The following EIF2AK2 variants were observed in gnomAD, a reference collection of about 807,000 sequenced individuals.
The protein encoded by EIF2AK2 is interferon-induced, double-stranded RNA-activated protein kinase.
In EIF2AK2, 40 loss-of-function variants were observed where a neutral mutation model predicts 70.5. That is an observed-to-expected ratio of 0.57 (90% CI 0.44 to 0.74). EIF2AK2 has a LOEUF of 0.74. EIF2AK2 is among the 30% of genes least tolerant of loss of function. EIF2AK2 has a pLI of 0.00. For missense variants in EIF2AK2, 555 were observed against 644.3 expected, an observed-to-expected ratio of 0.86 and a Z score of 1.50; for synonymous variants, 198 against 220.9, an observed-to-expected ratio of 0.90 and a Z score of 0.92.
At chr2:37,154,443 T>G (rs1229995036) in intron 1 of EIF2AK2, among the ~76,000 whole-genome samples, 1 of 152,216 alleles carries the variant, frequency 6.6e-6, no homozygotes. Context: ...TATCACTAAA[T>G]CCAGTAGTCA....
At position 37,105,880 on chromosome 2, in the gene EIF2AK2, C is replaced by T. The variant is rs1327569942; in HGVS notation, c.*1393G>A. On this transcript the variant is annotated 3_prime_UTR_variant, in exon 17 of 17. Coordinates refer to ENST00000233057, the MANE Select transcript of EIF2AK2 (RefSeq NM_001135651.3). ...GGCCCACTGGGCTGTCACTTCTAGC[C>T]CTGTGCTCAGCAGAAAGCCATCTTA... 3.9e-5 allele frequency: 6 copies of T among 152,194 alleles called. No homozygotes were observed. Among genetic ancestry groups the T allele is most frequent in the African/African-American group, 1.4e-4 (6 of 41,442 alleles). The allele number at this position is 152,194 out of a possible 1,614,324, so 9.4% of individuals were successfully genotyped here. A position where few individuals can be genotyped will look rare whatever the true frequency, so the allele number is the denominator to read the frequency against.
intron 14 of EIF2AK2, among the ~76,000 whole-genome samples, chr2:37,113,498 C>CAAAAAAAAAAAAAA (rs61174879): frequency 3.0e-5 from 1 of 33,056 alleles, no homozygotes; most frequent in Non-Finnish European, 5.4e-5. Context: ...AACTCCATCT[C>CAAAAAAAAAAAAAA]AAAAAAAAAA....
chr2:37,126,272 A>G lies in EIF2AK2; in HGVS notation c.908+17T>C, dbSNP rs1435222223. 6.4e-7 allele frequency: 1 copy of G among 1,561,510 alleles called. No homozygotes were observed. Among genetic ancestry groups the G allele is most frequent in the Non-Finnish European group, 8.7e-7 (1 of 1,153,956 alleles). ...CGTACCTTGCCATTCAAAAAAATGT[A>G]AACATTTACTACTTACTCGTTATTA... is the stretch of plus-strand genomic sequence containing the variant. On this transcript the variant is annotated intron_variant, in intron 11 of 16. Transcript: ENST00000233057.
chr2:37,155,399 C>A (rs1164617345), intron 1 of EIF2AK2, among the ~76,000 whole-genome samples: 1 of 152,108 alleles, frequency 6.6e-6, no homozygotes, highest in South Asian at 2.1e-4. Context: ...CTCCAGATAC[C>A]CCATCCAGGA....
At position 37,133,406 on chromosome 2, in the gene EIF2AK2, T is replaced by C. The variant is rs139844654; in HGVS notation, c.785+2078A>G. 1.1e-3 allele frequency among the ~76,000 whole-genome samples: 175 copies of C among 152,254 alleles called. 3 individuals carry two copies. In the East Asian group the frequency reaches 0.031, roughly 27 times the overall value. On this transcript the variant is annotated intron_variant, in intron 10 of 16. Transcript: ENST00000233057. ...TTCATTTGGGAATATGCTGACAAAA[T>C]ACAACTCCTTTAATCCCTTCCTACA...
At chr2:37,109,147 TAGTC>T in intron 15 of EIF2AK2, 43 bp downstream of exon 15, 1 of 1,560,212 alleles carries the variant, frequency 6.4e-7, no homozygotes, top group South Asian at 1.1e-5. Flanking sequence ...CTGAAGGTGG[TAGTC>T]AGTAATTTTT....
At chr2:37,121,262 C>CAAAAAAAAAAAAAAA (rs70949733) in intron 12 of EIF2AK2, among the ~76,000 whole-genome samples, 1 of 72,728 alleles carries the variant, frequency 1.4e-5, no homozygotes, top group Non-Finnish European at 2.3e-5. Flanking sequence ...GACACCGTCT[C>CAAAAAAAAAAAAAAA]AAAAAAAAAA....
At position 37,105,953 on chromosome 2, in the gene EIF2AK2, C is replaced by A. The variant is rs1009930127; in HGVS notation, c.*1320G>T. 6.6e-6 allele frequency: 1 copy of A among 152,172 alleles called. No individual in the cohort carries two copies. Among genetic ancestry groups the A allele is most frequent in the Non-Finnish European group, 1.5e-5 (1 of 68,042 alleles). The allele number at this position is 152,172 out of a possible 1,614,324, so 9.4% of individuals were successfully genotyped here. A position where few individuals can be genotyped will look rare whatever the true frequency, so the allele number is the denominator to read the frequency against. ...TGTTTTTAGCTACTGCCTTACAGCA[C>A]GGTTGTCTTTAAAGTGGTTGTTACA... is the stretch of plus-strand genomic sequence containing the variant. On this transcript the variant is annotated 3_prime_UTR_variant, in exon 17 of 17. Transcript: ENST00000233057.
At chr2:37,125,820 C>T (rs1674709667) in intron 11 of EIF2AK2, among the ~76,000 whole-genome samples, 1 of 152,194 alleles carries the variant, frequency 6.6e-6, no homozygotes, top group African/African-American at 2.4e-5. Context: ...GTGCCTTATA[C>T]AATAACAGAC....
intron 12 of EIF2AK2, among the ~76,000 whole-genome samples, chr2:37,120,514 A>T (rs1479582635): frequency 1.5e-5 from 2 of 131,048 alleles, no homozygotes; most frequent in South Asian, 5.6e-4. Flanking sequence ...CTCACAAAAA[A>T]AAAAAAAAAA....
intron 2 of EIF2AK2, 31 bp from the exon 3 acceptor site, chr2:37,147,853 T>C: frequency 6.9e-7 from 1 of 1,444,046 alleles, no homozygotes; most frequent in Non-Finnish European, 9.7e-7. Flanking sequence ...GAATGAGTGA[T>C]GCTCACAGAA....
At chr2:37,155,633 C>A (rs1417206742) in intron 1 of EIF2AK2, among the ~76,000 whole-genome samples, 1 of 152,192 alleles carries the variant, frequency 6.6e-6, no homozygotes, top group Non-Finnish European at 1.5e-5. Flanking sequence ...CTTATTCACT[C>A]ATCTGGAAGA....
chr2:37,128,174 T>A (rs1220218180), intron 10 of EIF2AK2, among the ~76,000 whole-genome samples: 1 of 152,198 alleles, frequency 6.6e-6, no homozygotes, highest in Non-Finnish European at 1.5e-5. Context: ...CTTAATAAAC[T>A]TTTGATTCCG....
Position 37,138,365 on chromosome 2 carries a change from T to A in EIF2AK2, c.594-2A>T. ...CCTTCAGATGATGATTCAGAAGCGC[T>A]AGAAGAAAAGGGTGTAACTATTAGT... On this transcript the variant is annotated splice_acceptor_variant, in intron 7 of 16. Coordinates refer to ENST00000233057, the MANE Select transcript of EIF2AK2 (RefSeq NM_001135651.3). LOFTEE classifies it high-confidence loss of function. The A allele has an allele frequency of 6.2e-7, 1 of 1,612,908 alleles. No individual in the cohort carries two copies. The highest frequency in any genetic ancestry group is 8.5e-7 in the Non-Finnish European group (1 of 1,179,378).
At chr2:37,146,771 G>A in intron 4 of EIF2AK2, 82 bp downstream of exon 4, 1 of 1,538,488 alleles carries the variant, frequency 6.5e-7, no homozygotes, top group Non-Finnish European at 8.8e-7. Context: ...GCTTTACTCT[G>A]TATGAAAGTA....
chr2:37,140,609 C>CCG (rs374102587), intron 5 of EIF2AK2, among the ~76,000 whole-genome samples: 1 of 151,210 alleles, frequency 6.6e-6, no homozygotes, highest in Non-Finnish European at 1.5e-5. Context: ...TGCCCCCCCC[C>CCG]GCAAACAGAT....
At chr2:37,139,835 A>C in intron 5 of EIF2AK2, 78 bp from the exon 6 acceptor site, 2 of 1,398,868 alleles carry the variant, frequency 1.4e-6, no homozygotes, top group South Asian at 1.3e-5. Flanking sequence ...AAAAAATAAC[A>C]TATTAACAGA....
At chr2:37,119,919 T>TTA (rs4648217) in intron 13 of EIF2AK2, 40 bp downstream of exon 13, 18,077 of 1,101,126 alleles carry the variant, frequency 0.016, 140 homozygotes, top group Middle Eastern at 0.028. Context: ...AATTACTATA[T>TTA]TATATATATA....
intron 13 of EIF2AK2, among the ~76,000 whole-genome samples, chr2:37,117,775 C>G (rs1196530152): frequency 6.6e-6 from 1 of 152,112 alleles, no homozygotes; most frequent in Non-Finnish European, 1.5e-5. Flanking sequence ...ATGTCCCTTC[C>G]CAGCGCCTTT....
Sources: allele counts gnomAD v4.1 joint callset (sites outside exome capture counted in the v4.1 genomes callset), GRCh38; gene constraint gnomAD v4.1.1; transcripts MANE v1.5; gene names NCBI Gene and HGNC (gene_info 2026-07-23, HGNC 2026-07-21).